Variants in ERC2 observed in about 807,000 individuals in gnomAD.
ERC2 encodes ERC protein 2.
A neutral mutation model predicts 114.8 loss-of-function variants in ERC2; 42 were observed. The ratio of observed to expected loss-of-function variants is 0.37; its 90% confidence interval spans 0.29 to 0.47. The LOEUF (loss-of-function observed/expected upper bound fraction) is 0.47. Among genes scored for constraint, ERC2 ranks in the 20% least tolerant of loss-of-function variants. The pLI is 0.99. For missense variants in ERC2, 939 were observed against 1,150.7 expected, an observed-to-expected ratio of 0.82 and a Z score of 2.66; for synonymous variants, 454 against 425.5, an observed-to-expected ratio of 1.07 and a Z score of -0.82.
chr3:56,415,430 A>G (rs1274920567), intron 2 of ERC2, among the ~76,000 whole-genome samples: 1 of 152,214 alleles, frequency 6.6e-6, no homozygotes, highest in Non-Finnish European at 1.5e-5. Flanking sequence ...TTTGTAATTG[A>G]CTCTGAATAG....
chr3:56,000,642 T>C (rs1438373364), intron 10 of ERC2, among the ~76,000 whole-genome samples: 1 of 152,088 alleles, frequency 6.6e-6, no homozygotes, highest in African/African-American at 2.4e-5. Context: ...CAATTCTCAA[T>C]GTTGGCCAGG....
At chr3:55,942,089 T>C (rs2066830149) in intron 13 of ERC2, among the ~76,000 whole-genome samples, 1 of 152,098 alleles carries the variant, frequency 6.6e-6, no homozygotes, top group Admixed American at 6.5e-5. Flanking sequence ...TCTTACCTTA[T>C]GGAACCAGTG....
intron 12 of ERC2, among the ~76,000 whole-genome samples, chr3:55,980,537 AGC>A (rs1375227233): frequency 6.6e-6 from 1 of 152,226 alleles, no homozygotes; most frequent in African/African-American, 2.4e-5. Context: ...TCATAAGAAA[AGC>A]CATATAAAGG....
intron 3 of ERC2, among the ~76,000 whole-genome samples, chr3:56,266,665 G>A (rs2053329488): frequency 1.3e-5 from 2 of 152,130 alleles, no homozygotes; most frequent in South Asian, 2.1e-4. Context: ...GGAGGCTGAG[G>A]TATAAGGACC....
chr3:56,306,073 TC>T (rs1327488716), intron 2 of ERC2, among the ~76,000 whole-genome samples: 1 of 152,154 alleles, frequency 6.6e-6, no homozygotes, highest in Admixed American at 6.5e-5. Flanking sequence ...GTTCTCGAAC[TC>T]CTGACCTCAA....
chr3:55,802,771 T>C (rs902052539), intron 14 of ERC2, among the ~76,000 whole-genome samples: 1 of 152,194 alleles, frequency 6.6e-6, no homozygotes, highest in South Asian at 2.1e-4. Flanking sequence ...GAATTTTTTT[T>C]TTCTGAAGGA....
At chr3:56,333,697 C>CT (rs2057730946) in intron 2 of ERC2, among the ~76,000 whole-genome samples, 1 of 140,504 alleles carries the variant, frequency 7.1e-6, no homozygotes, top group African/African-American at 2.5e-5. Flanking sequence ...TCCAAATGAA[C>CT]ATTTTTTTTT....
At chr3:56,227,341 A>G (rs2050313816) in intron 3 of ERC2, among the ~76,000 whole-genome samples, 2 of 151,970 alleles carry the variant, frequency 1.3e-5, no homozygotes, top group South Asian at 4.2e-4. Flanking sequence ...AGTAAGGTAT[A>G]GGAGCACACT....
chr3:55,614,005 A>G (rs1575774719), intron 17 of ERC2, among the ~76,000 whole-genome samples: 1 of 150,694 alleles, frequency 6.6e-6, no homozygotes, highest in Admixed American at 6.6e-5. Flanking sequence ...AAAAAAAAAA[A>G]AAAAAAAAGA....
intron 3 of ERC2, among the ~76,000 whole-genome samples, chr3:56,261,961 G>T (rs58413645): frequency 0.12 from 18,188 of 152,148 alleles, 1,777 homozygotes; most frequent in African/African-American, 0.25. Context: ...AGAACATGTG[G>T]TAATTTGGTT....
At chr3:56,421,597 C>T (rs985586076) in intron 2 of ERC2, among the ~76,000 whole-genome samples, 36 of 152,148 alleles carry the variant, frequency 2.4e-4, no homozygotes, top group South Asian at 8.3e-4. Context: ...CCTTGAGTGC[C>T]GCTTTTTCAT....
chr3:56,260,586 C>T (rs2052850532), intron 3 of ERC2, among the ~76,000 whole-genome samples: 1 of 152,170 alleles, frequency 6.6e-6, no homozygotes, highest in Non-Finnish European at 1.5e-5. Context: ...TTGAAGCATC[C>T]TTCCTTCAGT....
Position 55,567,068 on chromosome 3 carries a change from C to T in ERC2, c.*40-55792G>A, listed in dbSNP as rs533726141. On this transcript the variant is annotated intron_variant, in intron 17 of 17. Transcript: ENST00000288221. The stretch of plus-strand genomic sequence containing the variant: ...TATTCCAAGTGCTGGAAATCCAGAG[C>T]GAAATAAGAGAAGACCATATTCTCA... Among the ~76,000 whole-genome samples, 16 of 152,116 alleles carry T rather than the reference C, an allele frequency of 1.1e-4. No homozygotes were observed. The East Asian group carries it at 1.9e-3, about 18-fold the overall frequency.
chr3:56,013,865 T>C (rs971528298), intron 8 of ERC2, among the ~76,000 whole-genome samples: 1 of 152,140 alleles, frequency 6.6e-6, no homozygotes, highest in Admixed American at 6.5e-5. Context: ...GAAACTGTAT[T>C]TTAAGAAACC....
intron 1 of ERC2, among the ~76,000 whole-genome samples, chr3:56,465,268 G>T (rs1197941108): frequency 6.6e-6 from 1 of 151,968 alleles, no homozygotes; most frequent in Non-Finnish European, 1.5e-5. Context: ...GCATGGTGGC[G>T]GGCACCTGTA....
At chr3:56,003,257 A>G (rs150565952) in intron 10 of ERC2, 549 of 575,860 alleles carry the variant, frequency 9.5e-4, no homozygotes, top group Non-Finnish European at 1.2e-3. Flanking sequence ...TTAAAAAAGA[A>G]GAAATTTCAG....
intron 14 of ERC2, among the ~76,000 whole-genome samples, chr3:55,821,280 A>G (rs1162108320): frequency 2.0e-5 from 3 of 152,090 alleles, no homozygotes; most frequent in Non-Finnish European, 2.9e-5. Flanking sequence ...TAAAATCTGA[A>G]AACCAAAATG....
rs1249866786 is a variant in ERC2, at chr3:56,329,828, C to T, written c.658-33393G>A. Among the ~76,000 whole-genome samples, 3 of 149,958 alleles carry T rather than the reference C, an allele frequency of 2.0e-5. No homozygotes were observed. In the South Asian group the frequency reaches 6.4e-4, roughly 32 times the overall value. On this transcript the variant is annotated intron_variant, in intron 2 of 17. Coordinates refer to ENST00000288221, the MANE Select transcript of ERC2 (RefSeq NM_015576.3). ...ATATTTCCACTATATGTATTTCCAC[C>T]ATATATATATTTCCACTATATGTAT... is the stretch of plus-strand genomic sequence containing the variant.
intron 12 of ERC2, among the ~76,000 whole-genome samples, chr3:55,981,032 G>A (rs865775183): frequency 6.6e-6 from 1 of 152,182 alleles, no homozygotes; most frequent in Non-Finnish European, 1.5e-5. Context: ...TCTATAAATC[G>A]GAGCTGGCTC....
Sources: gnomAD v4.1 joint callset for allele counts (sites outside exome capture counted in the v4.1 genomes callset) on GRCh38, gnomAD v4.1.1 for gene constraint, MANE v1.5 for transcripts, NCBI Gene and HGNC (gene_info 2026-07-23, HGNC 2026-07-21) for gene names.